The following CNBD1 variants were observed in gnomAD, a reference collection of about 807,000 sequenced individuals.
CNBD1 encodes cyclic nucleotide-binding domain-containing protein 1.
CNBD1 carries 71 observed loss-of-function variants against 54.4 expected under a neutral mutation model. The observed-to-expected ratio is 1.30, with a 90% CI of 1.08 to 1.59. The LOEUF is 1.59. Ranked by LOEUF, CNBD1 falls within the 40% of genes most tolerant of loss-of-function variation. The pLI, the probability that CNBD1 is intolerant of heterozygous loss-of-function variation, is 0.00. For missense variants in CNBD1, 659 were observed against 518.0 expected, an observed-to-expected ratio of 1.27 and a Z score of -2.64; for synonymous variants, 182 against 170.7, an observed-to-expected ratio of 1.07 and a Z score of -0.51.
intron 10 of CNBD1, among the ~76,000 whole-genome samples, chr8:87,372,208 A>G (rs1436157833): frequency 6.6e-6 from 1 of 152,056 alleles, no homozygotes; most frequent in Non-Finnish European, 1.5e-5. Context: ...ACAAACAGAG[A>G]GCCAAATCAT....
chr8:87,423,815 CT>C (rs1374535998), intron 2 of CNBD1, among the ~76,000 whole-genome samples: 1 of 152,198 alleles, frequency 6.6e-6, no homozygotes, highest in Non-Finnish European at 1.5e-5. Flanking sequence ...AGGATTCCCT[CT>C]TTTTCTATTG....
intron 6 of CNBD1, among the ~76,000 whole-genome samples, chr8:87,271,772 A>C (rs1808370429): frequency 6.6e-6 from 1 of 152,006 alleles, no homozygotes. Context: ...CCTAAAAGAA[A>C]ATAAATTAGT....
intron 8 of CNBD1, among the ~76,000 whole-genome samples, chr8:87,327,281 G>A (rs925700358): frequency 4.7e-5 from 7 of 148,988 alleles, no homozygotes; most frequent in African/African-American, 1.5e-4. Flanking sequence ...TGCCCCCAGA[G>A]GTGGAGCCTA....
intron 4 of CNBD1, among the ~76,000 whole-genome samples, chr8:87,171,764 A>G (rs1034519035): frequency 6.6e-6 from 1 of 151,718 alleles, no homozygotes; most frequent in African/African-American, 2.4e-5. Flanking sequence ...CAGCCTCCCA[A>G]GTAGCTGGGA....
intron 4 of CNBD1, among the ~76,000 whole-genome samples, chr8:87,184,525 C>A (rs1050800262): frequency 2.0e-5 from 3 of 152,066 alleles, no homozygotes; most frequent in Non-Finnish European, 4.4e-5. Flanking sequence ...TCTATCTTGT[C>A]CATCTCTCCT....
intron 6 of CNBD1, among the ~76,000 whole-genome samples, chr8:87,241,813 A>G (rs1270513876): frequency 1.3e-5 from 2 of 152,178 alleles, no homozygotes; most frequent in African/African-American, 4.8e-5. Flanking sequence ...AAGCTATAAT[A>G]ATACCATTTA....
chr8:87,164,952 C>G (rs917017103), intron 4 of CNBD1, among the ~76,000 whole-genome samples: 2 of 151,428 alleles, frequency 1.3e-5, no homozygotes, highest in African/African-American at 4.8e-5. Flanking sequence ...TTTGCTGCAT[C>G]TTATAAGTTT....
intron 4 of CNBD1, among the ~76,000 whole-genome samples, chr8:87,175,175 G>C (rs1398997142): frequency 6.6e-6 from 1 of 152,150 alleles, no homozygotes; most frequent in Non-Finnish European, 1.5e-5. Context: ...GTTTCCCCAG[G>C]CTTTGTTGAG....
chr8:87,120,090 A>G (rs1011168177), intron 4 of CNBD1, among the ~76,000 whole-genome samples: 1 of 152,134 alleles, frequency 6.6e-6, no homozygotes, highest in Non-Finnish European at 1.5e-5. Flanking sequence ...TGCTGGCCTC[A>G]TAAAATGAGT....
At chr8:86,969,231 T>G (rs967540990) in intron 4 of CNBD1, among the ~76,000 whole-genome samples, 1 of 152,200 alleles carries the variant, frequency 6.6e-6, no homozygotes, top group African/African-American at 2.4e-5. Flanking sequence ...TGAGTCTTAT[T>G]GTGTTTTTTA....
chr8:87,092,365 GTGTA>G (rs1161481429), intron 4 of CNBD1, among the ~76,000 whole-genome samples: 1 of 149,480 alleles, frequency 6.7e-6, no homozygotes. Context: ...GTGTGTGTGT[GTGTA>G]TGTATGTGTG....
chr8:87,288,159 CT>C (rs1808730275), intron 8 of CNBD1, among the ~76,000 whole-genome samples: 2 of 151,974 alleles, frequency 1.3e-5, no homozygotes, highest in Admixed American at 6.6e-5. Flanking sequence ...ATGATGATGC[CT>C]TTTTGTTCCT....
At chr8:86,953,621 CT>C (rs1807683537) in intron 4 of CNBD1, among the ~76,000 whole-genome samples, 1 of 152,154 alleles carries the variant, frequency 6.6e-6, no homozygotes, top group African/African-American at 2.4e-5. Context: ...AATCCCAGCA[CT>C]TTGGGAGGCC....
intron 4 of CNBD1, among the ~76,000 whole-genome samples, chr8:87,167,227 C>T (rs561815016): frequency 3.9e-5 from 6 of 151,988 alleles, no homozygotes; most frequent in Non-Finnish European, 7.4e-5. Flanking sequence ...TTTGTTTCTA[C>T]GGACATTTCT....
At chr8:87,134,272 A>G (rs1416948583) in intron 4 of CNBD1, among the ~76,000 whole-genome samples, 1 of 152,176 alleles carries the variant, frequency 6.6e-6, no homozygotes, top group Non-Finnish European at 1.5e-5. Flanking sequence ...ATACCAAATT[A>G]GTTATAAAAT....
At chr8:87,038,028 T>C (rs1401371504) in intron 4 of CNBD1, among the ~76,000 whole-genome samples, 1 of 152,206 alleles carries the variant, frequency 6.6e-6, no homozygotes, top group Non-Finnish European at 1.5e-5. Context: ...TGGGGCCTGA[T>C]GATAGAGAGG....
chr8:87,340,489 TTC>T (rs1181374964), intron 8 of CNBD1, among the ~76,000 whole-genome samples: 7 of 152,182 alleles, frequency 4.6e-5, no homozygotes, highest in Admixed American at 4.6e-4. Context: ...TACATAAACT[TTC>T]TGTTTCTTTC....
At chr8:87,222,216 GA>G (rs948360761) in intron 5 of CNBD1, among the ~76,000 whole-genome samples, 54 of 149,706 alleles carry the variant, frequency 3.6e-4, no homozygotes, top group African/African-American at 1.1e-3. Context: ...GAATTCTAAG[GA>G]AAAAAAAAGA....
chr8:87,379,536 G>C (rs150220361), intron 10 of CNBD1, among the ~76,000 whole-genome samples: 3 of 151,710 alleles, frequency 2.0e-5, no homozygotes, highest in Non-Finnish European at 4.4e-5. Flanking sequence ...ACTATCTCTT[G>C]TTTGTTAAAT....
Sources: gnomAD v4.1 joint callset for allele counts (sites outside exome capture counted in the v4.1 genomes callset) on GRCh38, gnomAD v4.1.1 for gene constraint, MANE v1.5 for transcripts, NCBI Gene and HGNC (gene_info 2026-07-23, HGNC 2026-07-21) for gene names.